TAOK1: variants seen among roughly 807,000 people sequenced by gnomAD.
The protein encoded by TAOK1 is TAO kinase 1.
In TAOK1, 21 loss-of-function variants were observed where a neutral mutation model predicts 138.3. The ratio of observed to expected loss-of-function variants is 0.15; its 90% CI spans 0.11 to 0.22. The LOEUF (loss-of-function observed/expected upper bound fraction) is 0.22, where lower values mean the gene tolerates loss of function less well. TAOK1 is among the 10% of genes least tolerant of loss of function. TAOK1 has a pLI of 1.00. For missense variants in TAOK1, 651 were observed against 1,227.7 expected (o/e 0.53, Z 7.02); for synonymous variants, 361 against 398.4 (o/e 0.91, Z 1.12).
chr17:29,430,161 A>G (rs1905779431), intron 1 of TAOK1, among the ~76,000 whole-genome samples: 2 of 152,224 alleles, frequency 1.3e-5, no homozygotes, highest in Admixed American at 6.5e-5. Context: ...AAGCAAAGAA[A>G]GAATGAAGTA....
At chr17:29,434,985 A>G (rs1361458167) in intron 1 of TAOK1, among the ~76,000 whole-genome samples, 2 of 152,156 alleles carry the variant, frequency 1.3e-5, no homozygotes, top group Non-Finnish European at 2.9e-5. Context: ...ACACACCCAG[A>G]TAACTGGTGG....
At position 29,550,772 on chromosome 17, in the gene TAOK1, T is replaced by C. The variant is rs1392499188; in HGVS notation, c.*7750T>C. 2 of 152,418 alleles carry C rather than the reference T, an allele frequency of 1.3e-5. No individual in the cohort carries two copies. The highest frequency in any genetic ancestry group is 2.9e-5 in the Non-Finnish European group (2 of 68,022). The allele number at this position is 152,418 out of a possible 1,614,324, so 9.4% of individuals were successfully genotyped here. A position where few individuals can be genotyped will look rare whatever the true frequency, so the allele number is the denominator to read the frequency against. On this transcript the variant is annotated 3_prime_UTR_variant, in exon 20 of 20. Transcript: ENST00000261716. ...TTTTATGTACTCATTTCCCTTTGTT[T>C]TCCTCAAACAGCATGATTTTTTTGC... is the stretch of plus-strand genomic sequence containing the variant.
intron 1 of TAOK1, among the ~76,000 whole-genome samples, chr17:29,404,934 A>G (rs183534740): frequency 9.2e-5 from 14 of 152,256 alleles, no homozygotes; most frequent in East Asian, 5.8e-4. Context: ...ATTTTACTCT[A>G]TTTTATTCAA....
Position 29,482,257 on chromosome 17 carries a change from G to A in TAOK1, c.624G>A (p.Val208=). 6.2e-7 allele frequency: 1 copy of A among 1,612,832 alleles called. No homozygotes were observed. The highest frequency in any genetic ancestry group is 8.5e-7 in the Non-Finnish European group (1 of 1,179,466). Residue 208 remains valine, a synonymous_variant, in exon 8 of 20, where the codon GTG becomes GTA. Transcript: ENST00000261716. ...GACAATATGATGGCAAAGTAGATGT[G>A]TGGTCTCTTGGAATAACATGTATTG... ...DEGQYDGKVD[V]WSLGITCIEL...
intron 1 of TAOK1, among the ~76,000 whole-genome samples, chr17:29,438,401 C>A (rs1906104717): frequency 6.6e-6 from 1 of 152,162 alleles, no homozygotes; most frequent in South Asian, 2.1e-4. Context: ...CTATCTGGTT[C>A]TGGCTGGATG....
intron 8 of TAOK1, among the ~76,000 whole-genome samples, chr17:29,486,425 G>T (rs2031175491): frequency 6.6e-6 from 1 of 152,158 alleles, no homozygotes; most frequent in Admixed American, 6.6e-5. Context: ...TTGAGGTCAG[G>T]AGTTTTAGAC....
chr17:29,437,343 T>G (rs1906066710), intron 1 of TAOK1, among the ~76,000 whole-genome samples: 2 of 152,070 alleles, frequency 1.3e-5, no homozygotes, highest in Admixed American at 6.6e-5. Flanking sequence ...ATTACAGGTT[T>G]GAGCCACTGT....
Position 29,451,684 on chromosome 17 carries a change from A to G in TAOK1, c.132+4A>G. 6.2e-7 allele frequency: 1 copy of G among 1,611,752 alleles called. No individual in the cohort carries two copies. The highest frequency in any genetic ancestry group is 8.5e-7 in the Non-Finnish European group (1 of 1,179,138). ...AAGCTTTGGAGCAGTGTATTTTGTA[A>G]GTGTTAGTGGCTTGATGTCAGTGAC... On this transcript the variant is annotated splice_donor_region_variant and intron_variant, in intron 2 of 19. Coordinates refer to ENST00000261716, the MANE Select transcript of TAOK1 (RefSeq NM_020791.4).
chr17:29,399,557 T>C (rs991257758), intron 1 of TAOK1, among the ~76,000 whole-genome samples: 25 of 151,904 alleles, frequency 1.6e-4, no homozygotes, highest in East Asian at 3.9e-4. Context: ...CCTCGTGATC[T>C]GCCCGCCTTG....
chr17:29,530,298 T>C lies in TAOK1; in HGVS notation c.2149-109T>C. The C allele has an allele frequency of 1.4e-5, 14 of 972,862 alleles. No homozygotes were observed. In the South Asian group the frequency reaches 2.2e-4, roughly 15 times the overall value. 60.3% of individuals were successfully genotyped at this position (972,862 alleles called of 1,614,324 possible). A position where few individuals can be genotyped will look rare whatever the true frequency, so the allele number is the denominator to read the frequency against. On this transcript the variant is annotated intron_variant, in intron 17 of 19. Coordinates refer to ENST00000261716, the MANE Select transcript of TAOK1 (RefSeq NM_020791.4). ...AACCTGATGATCTGACCTGCTTGGC[T>C]TTCCTCTCATTTTTTTCCTAGTAGC...
chr17:29,475,880 A>G, intron 4 of TAOK1, 109 bp downstream of exon 4: 2 of 788,972 alleles, frequency 2.5e-6, no homozygotes, highest in African/African-American at 1.8e-5. Flanking sequence ...AACACCTGAA[A>G]TGTTAGTTCG....
chr17:29,467,487 T>G (rs1351094917), intron 3 of TAOK1, among the ~76,000 whole-genome samples: 1 of 152,172 alleles, frequency 6.6e-6, no homozygotes, highest in Non-Finnish European at 1.5e-5. Context: ...TTAGCCAGGA[T>G]GGTCTTGATC....
chr17:29,501,423 CAAAAA>C (rs34004946), intron 12 of TAOK1, among the ~76,000 whole-genome samples: 2 of 109,016 alleles, frequency 1.8e-5, no homozygotes, highest in Admixed American at 9.1e-5. Flanking sequence ...GACCCTGTCT[CAAAAA>C]AAAAAAAAAA....
At chr17:29,505,450 C>G (rs976021949) in intron 13 of TAOK1, among the ~76,000 whole-genome samples, 1 of 152,058 alleles carries the variant, frequency 6.6e-6, no homozygotes, top group Non-Finnish European at 1.5e-5. Context: ...AGCTCTAATC[C>G]CAGCACTTTG....
intron 16 of TAOK1, among the ~76,000 whole-genome samples, chr17:29,520,490 T>G (rs2150766517): frequency 6.6e-6 from 1 of 150,840 alleles, no homozygotes; most frequent in East Asian, 2.0e-4. Flanking sequence ...CTCGGCTCAC[T>G]GCAACCTTTG....
intron 1 of TAOK1, among the ~76,000 whole-genome samples, chr17:29,436,728 T>C (rs1263970463): frequency 6.6e-6 from 1 of 152,182 alleles, no homozygotes; most frequent in Non-Finnish European, 1.5e-5. Context: ...ACTTTAGAAA[T>C]CCCATGCAAT....
At chr17:29,513,059 C>CG (rs1239505853) in intron 15 of TAOK1, 7 of 24,816 alleles carry the variant, frequency 2.8e-4, no homozygotes, top group African/African-American at 1.8e-3. Context: ...ATTTACCCAC[C>CG]CCCCCCCCCG....
chr17:29,440,102 A>C (rs1353521927), intron 1 of TAOK1, among the ~76,000 whole-genome samples: 31 of 152,156 alleles, frequency 2.0e-4, no homozygotes. Context: ...AACTTAAAAA[A>C]TTCCTGCTTC....
chr17:29,412,276 C>T lies in TAOK1; in HGVS notation c.-95+21252C>T, dbSNP rs374249073. On this transcript the variant is annotated intron_variant, in intron 1 of 19. Transcript: ENST00000261716. ...CAGGTTGGTCTCGAACTCCTGACCT[C>T]AAGTGATCCGCCTGCCTTGGCCTGC... Among the ~76,000 whole-genome samples, 4 of 152,350 alleles carry T rather than the reference C, an allele frequency of 2.6e-5. No individual in the cohort carries two copies. The South Asian group carries it at 8.3e-4, about 32-fold the overall frequency.
Sources: gnomAD v4.1 joint callset for allele counts (sites outside exome capture counted in the v4.1 genomes callset) on GRCh38, gnomAD v4.1.1 for gene constraint, MANE v1.5 for transcripts, NCBI Gene and HGNC (gene_info 2026-07-23, HGNC 2026-07-21) for gene names.